Variants in MYO18B observed in about 807,000 individuals in gnomAD.
MYO18B encodes the protein myosin XVIIIB, also known as unconventional myosin-XVIIIb.
Under a neutral mutation model 273.0 loss-of-function variants are expected in MYO18B, and 204 were observed. That is an observed-to-expected ratio of 0.75 (90% CI 0.67 to 0.84). MYO18B has a LOEUF of 0.84. Among genes scored for constraint, MYO18B ranks in the 40% least tolerant of loss-of-function variants. The pLI is 0.00. For missense variants in MYO18B, 3,212 were observed against 3,287.6 expected (o/e 0.98, Z 0.56); for synonymous variants, 1,330 against 1,305.7 (o/e 1.02, Z -0.40).
chr22:25,984,012 T>C (rs543051096), intron 39 of MYO18B, among the ~76,000 whole-genome samples: 1 of 152,332 alleles, frequency 6.6e-6, no homozygotes, highest in South Asian at 2.1e-4. Context: ...AATGAAGTTG[T>C]CCTCACTAAA....
rs373958469 is a variant in MYO18B at position 25,776,446 on chromosome 22, A to G, written c.1870-1137A>G. Among the ~76,000 whole-genome samples, 228 of 152,278 alleles carry G rather than the reference A, an allele frequency of 1.5e-3. 10 individuals carry two copies. The South Asian group carries it at 0.046, about 31-fold the overall frequency. The stretch of plus-strand genomic sequence containing the variant: ...AACCCCATTTCTACTAAAAATACAA[A>G]AATTAGCCAGGCATGGTGGTGCACG... On this transcript the variant is annotated intron_variant, in intron 7 of 43. Transcript: ENST00000335473.
At chr22:25,764,949 G>A (rs2086452918) in intron 3 of MYO18B, among the ~76,000 whole-genome samples, 1 of 152,192 alleles carries the variant, frequency 6.6e-6, no homozygotes, top group Non-Finnish European at 1.5e-5. Flanking sequence ...GAGGGGGAGA[G>A]CCTGTGTGTT....
At chr22:25,895,515 A>G (rs773898279) in intron 28 of MYO18B, 1 of 417,330 alleles carries the variant, frequency 2.4e-6, no homozygotes. Context: ...TGTAAAGAAC[A>G]TGGATATTAA....
Position 25,768,603 on chromosome 22 carries a change from G to C in MYO18B, c.687G>C (p.Val229=). The change falls in exon 4 of 44, where the codon GTG becomes GTC. Residue 229 remains valine, a synonymous_variant. Transcript: ENST00000335473. ...GGLGDPGQGT[V]ALKKGEEGQS... ...TTGGGGACCCAGGCCAAGGAACTGT[G>C]GCACTGAAAAAAGGCGAGGAGGGTC... The C allele has an allele frequency of 1.3e-6, 2 of 1,526,958 alleles. No individual in the cohort carries two copies. The highest frequency in any genetic ancestry group is 2.7e-5 in the South Asian group (2 of 74,824). 94.6% of individuals were successfully genotyped at this position (1,526,958 alleles called of 1,614,324 possible).
intron 1 of MYO18B, among the ~76,000 whole-genome samples, chr22:25,758,541 C>T (rs5761165): frequency 0.091 from 13,855 of 151,584 alleles, 1,054 homozygotes; most frequent in East Asian, 0.33. Context: ...AATGAGGGGC[C>T]GACGCACACA....
chr22:25,870,350 G>C (rs1358360242), intron 22 of MYO18B, among the ~76,000 whole-genome samples: 1 of 152,210 alleles, frequency 6.6e-6, no homozygotes, highest in African/African-American at 2.4e-5. Context: ...ACAGCCTATT[G>C]CTCCTAAGCT....
chr22:25,810,512 C>T lies in MYO18B; in HGVS notation c.2521+12415C>T, dbSNP rs546339601. Among the ~76,000 whole-genome samples, 15 of 147,766 alleles carry T rather than the reference C, an allele frequency of 1.0e-4. No individual in the cohort carries two copies. The South Asian group carries it at 2.4e-3, about 23-fold the overall frequency. ...GCAGTGACGTGATCTCGGCTCACTG[C>T]GACCTCTGCCTCCCAGTTTCAAGCG... On this transcript the variant is annotated intron_variant, in intron 12 of 43. Coordinates refer to ENST00000335473, the MANE Select transcript of MYO18B (RefSeq NM_032608.7).
chr22:26,060,348 C>T, the MYO18B span, among the ~76,000 whole-genome samples: 1 of 152,056 alleles, frequency 6.6e-6, no homozygotes, highest in African/African-American at 2.4e-5. Context: ...TTCACCAACC[C>T]CTGATTTAAG....
chr22:25,909,574 A>G lies in MYO18B; in HGVS notation c.5259+1142A>G, dbSNP rs571756010. ...ATTCCTTCAGGTGAAGATTGCACAC[A>G]TTTCTGGTTTATTCTAAGAATGCCT... is the stretch of plus-strand genomic sequence containing the variant. On this transcript the variant is annotated intron_variant, in intron 32 of 43. Coordinates refer to ENST00000335473, the MANE Select transcript of MYO18B (RefSeq NM_032608.7). Among the ~76,000 whole-genome samples, 298 of 152,182 alleles carry G rather than the reference A, an allele frequency of 2.0e-3. 1 individual carries two copies. Among genetic ancestry groups the G allele is most frequent in the Non-Finnish European group, 3.3e-3 (227 of 68,002 alleles).
intron 39 of MYO18B, among the ~76,000 whole-genome samples, chr22:25,959,709 A>C (rs1196781402): frequency 6.6e-6 from 1 of 152,200 alleles, no homozygotes; most frequent in African/African-American, 2.4e-5. Flanking sequence ...CGTTTGCAGA[A>C]GTTGTCTTCT....
At chr22:25,803,560 A>G (rs79758417) in intron 12 of MYO18B, among the ~76,000 whole-genome samples, 5,031 of 152,234 alleles carry the variant, frequency 0.033, 373 homozygotes, top group East Asian at 0.29. Flanking sequence ...TGATGGGTCA[A>G]GTATGTATGT....
chr22:25,903,717 G>A lies in MYO18B; in HGVS notation c.5034G>A (p.Leu1678=). 1 of 1,608,366 alleles carries A rather than the reference G, an allele frequency of 6.2e-7. No homozygotes were observed. Among genetic ancestry groups the A allele is most frequent in the Non-Finnish European group, 8.5e-7 (1 of 1,177,342 alleles). The change falls in exon 31 of 44, where the codon CTG becomes CTA. Residue 1678 remains leucine (L), a synonymous_variant. Transcript: ENST00000335473. ...GGGAGCTGCTGGGGTCACCCTCTCT[G>A]GGGGAAAATTGCGTTGCTGGCTTGA... ...HKRELLGSPS[L]GENCVAGLKE... is the part of the protein sequence containing the mutation.
chr22:25,895,217 T>C lies in MYO18B; in HGVS notation c.4605T>C (p.Arg1535=). The change falls in exon 28 of 44, where the codon CGT becomes CGC. Residue 1535 remains arginine, a synonymous_variant. Transcript: ENST00000335473. ...TGGAGAACGAGTTCCTCAGAAAGCGTCTGCAGCAATGCGAGGAGAGGCTGG... is the reference window on the plus strand; with the variant it reads ...TGGAGAACGAGTTCCTCAGAAAGCGCCTGCAGCAATGCGAGGAGAGGCTGG... ...AQMENEFLRK[R]LQQCEERLDS... The C allele has an allele frequency of 2.5e-6, 4 of 1,610,458 alleles. No homozygotes were observed. The highest frequency in any genetic ancestry group is 1.3e-5 in the African/African-American group (1 of 75,006).
At chr22:25,838,012 C>A (rs2089958370) in intron 17 of MYO18B, among the ~76,000 whole-genome samples, 1 of 152,124 alleles carries the variant, frequency 6.6e-6, no homozygotes, top group Non-Finnish European at 1.5e-5. Context: ...AGCTCTTCTT[C>A]AAGATGCTCT....
At chr22:25,770,794 C>T (rs2086688710) in intron 5 of MYO18B, 78 bp from the exon 6 acceptor site, 2 of 1,036,718 alleles carry the variant, frequency 1.9e-6, no homozygotes, top group East Asian at 5.2e-5. Flanking sequence ...CCTCTCTTAT[C>T]TCCTGCCCTC....
intron 11 of MYO18B, among the ~76,000 whole-genome samples, chr22:25,791,603 C>T (rs2087664342): frequency 6.6e-6 from 1 of 152,122 alleles, no homozygotes; most frequent in Admixed American, 6.6e-5. Flanking sequence ...TGCAACCTAG[C>T]CTAATTTTTT....
chr22:25,758,604 T>C (rs944808060), intron 1 of MYO18B, among the ~76,000 whole-genome samples: 1 of 152,040 alleles, frequency 6.6e-6, no homozygotes, highest in African/African-American at 2.4e-5. Flanking sequence ...CAGGGGTAAA[T>C]GACCAAATAC....
intron 18 of MYO18B, 105 bp downstream of exon 18, chr22:25,843,999 C>A: frequency 2.0e-6 from 2 of 998,554 alleles, no homozygotes; most frequent in Non-Finnish European, 2.9e-6. Context: ...GGAGGGCCAG[C>A]CCAGGAATCC....
At chr22:25,809,549 C>G (rs185953959) in intron 12 of MYO18B, among the ~76,000 whole-genome samples, 20 of 152,266 alleles carry the variant, frequency 1.3e-4, no homozygotes, top group Admixed American at 1.2e-3. Flanking sequence ...CCAAATATAT[C>G]CCAGCGAGGT....
Sources: gnomAD v4.1 joint callset for allele counts (sites outside exome capture counted in the v4.1 genomes callset) on GRCh38, gnomAD v4.1.1 for gene constraint, MANE v1.5 for transcripts, NCBI Gene and HGNC (gene_info 2026-07-23, HGNC 2026-07-21) for gene names.